Variants in PPP3CC observed in about 807,000 individuals in gnomAD.
PPP3CC encodes serine/threonine-protein phosphatase 2B catalytic subunit gamma isoform.
Under a neutral mutation model 60.3 loss-of-function variants are expected in PPP3CC, and 35 were observed. The ratio of observed to expected loss-of-function variants is 0.58; its 90% CI spans 0.44 to 0.77. The LOEUF is 0.77. PPP3CC is among the 30% of genes least tolerant of loss of function. The pLI is 0.00. For synonymous variants in PPP3CC, 206 were observed against 224.3 expected (o/e 0.92, Z 0.73); for missense variants, 570 against 628.9 (o/e 0.91, Z 1.00).
intron 1 of PPP3CC, among the ~76,000 whole-genome samples, chr8:22,460,507 T>G (rs1005440162): frequency 2.0e-5 from 3 of 151,748 alleles, no homozygotes; most frequent in African/African-American, 7.3e-5. Flanking sequence ...CTTTCGAAAC[T>G]TTAAAAAATA....
At chr8:22,513,984 G>A (rs1413319216) in intron 6 of PPP3CC, among the ~76,000 whole-genome samples, 1 of 152,182 alleles carries the variant, frequency 6.6e-6, no homozygotes, top group Non-Finnish European at 1.5e-5. Flanking sequence ...GGTGGCTCAC[G>A]CCTATAATCC....
At chr8:22,481,997 G>C (rs2443501) in intron 3 of PPP3CC, among the ~76,000 whole-genome samples, 1 of 151,960 alleles carries the variant, frequency 6.6e-6, no homozygotes, top group African/African-American at 2.4e-5. Flanking sequence ...GTAGACATAC[G>C]TGTGCATGTG....
intron 2 of PPP3CC, 129 bp from the exon 3 acceptor site, chr8:22,475,371 A>G (rs1209202700): frequency 1.8e-6 from 2 of 1,118,464 alleles, no homozygotes; most frequent in Non-Finnish European, 1.3e-6. Flanking sequence ...GATTGACTAC[A>G]GTTTTACAGC....
intron 8 of PPP3CC, among the ~76,000 whole-genome samples, chr8:22,523,348 A>G (rs978391101): frequency 7.2e-5 from 11 of 152,122 alleles, no homozygotes; most frequent in African/African-American, 2.4e-4. Context: ...TACTTCTAAG[A>G]CTTTATCCTG....
chr8:22,515,321 G>A (rs1839214139), intron 6 of PPP3CC, among the ~76,000 whole-genome samples: 1 of 152,162 alleles, frequency 6.6e-6, no homozygotes, highest in Non-Finnish European at 1.5e-5. Context: ...TTCAATGGCT[G>A]AATAATATTC....
chr8:22,441,709 C>A (rs991221740), intron 1 of PPP3CC, among the ~76,000 whole-genome samples: 4 of 152,028 alleles, frequency 2.6e-5, no homozygotes, highest in Admixed American at 6.5e-5. Flanking sequence ...GTGGGGACTT[C>A]TTCTCCCACC....
chr8:22,513,461 T>C, intron 6 of PPP3CC, 29 bp downstream of exon 6: 1 of 1,556,162 alleles, frequency 6.4e-7, no homozygotes, highest in Non-Finnish European at 8.7e-7. Context: ...TCGAAAATTA[T>C]GAAAGGAAAC....
chr8:22,533,001 A>C lies in PPP3CC; in HGVS notation c.1304A>C (p.Lys435Thr). The change falls in exon 12 of 14, where the codon AAG (lysine) becomes ACG (threonine). Residue 435 changes from lysine to threonine, a missense_variant. Lys to Thr is a moderately conservative substitution (Grantham distance 78). Transcript: ENST00000240139. ...CCTCTGGGCGTCCTCTCAGGAGGCA[A>C]GCAGACTATCGAGACAGGTGAGTAT... ...TLPLGVLSGG[K>T]QTIETATVEA... 2 of 1,604,632 alleles carry C rather than the reference A, an allele frequency of 1.2e-6. No homozygotes were observed. The highest frequency in any genetic ancestry group is 1.7e-6 in the Non-Finnish European group (2 of 1,174,820).
In PPP3CC at chr8:22,472,363, AACACAC is replaced by A. The variant is rs71546810; in HGVS notation, c.50-2552_50-2547del. On this transcript the variant is annotated intron_variant, in intron 1 of 13. Coordinates refer to ENST00000240139, the MANE Select transcript of PPP3CC (RefSeq NM_005605.5). ...CTTTTAGAATATTTTGGTAAAAATG[AACACAC>A]ACACACACACACACACACACACACA... Among the ~76,000 whole-genome samples, 348 of 125,706 alleles carry A rather than the reference AACACAC, an allele frequency of 2.8e-3. 1 individual carries two copies. The highest frequency in any genetic ancestry group is 0.012 in the Middle Eastern group (3 of 244). The allele number at this position is 125,706 out of a possible 152,430, so 82.5% of individuals were successfully genotyped here. A position where few individuals can be genotyped will look rare whatever the true frequency, so the allele number is the denominator to read the frequency against.
intron 4 of PPP3CC, among the ~76,000 whole-genome samples, chr8:22,510,138 C>T (rs1032412820): frequency 2.0e-5 from 3 of 150,764 alleles, no homozygotes; most frequent in Non-Finnish European, 4.4e-5. Flanking sequence ...AGCTAAGATC[C>T]CGCTACTGCA....
intron 4 of PPP3CC, among the ~76,000 whole-genome samples, chr8:22,505,577 G>C (rs1838891638): frequency 6.6e-6 from 1 of 152,136 alleles, no homozygotes; most frequent in Non-Finnish European, 1.5e-5. Flanking sequence ...CTGTAGGGGA[G>C]GCAAAATTTT....
intron 11 of PPP3CC, 151 bp from the exon 12 acceptor site, chr8:22,532,770 A>C (rs1586872641): frequency 1.9e-6 from 1 of 539,384 alleles, no homozygotes; most frequent in South Asian, 2.8e-5. Flanking sequence ...ATATTTGTGG[A>C]AAACATCCCT....
At chr8:22,496,031 A>C (rs1563740558) in intron 3 of PPP3CC, among the ~76,000 whole-genome samples, 1 of 151,836 alleles carries the variant, frequency 6.6e-6, no homozygotes, top group Non-Finnish European at 1.5e-5. Context: ...TTTTACATTT[A>C]GATTGCTCAT....
chr8:22,503,001 C>T (rs189717612), intron 4 of PPP3CC, among the ~76,000 whole-genome samples: 11 of 152,136 alleles, frequency 7.2e-5, no homozygotes, highest in East Asian at 3.9e-4. Flanking sequence ...CATGCCATCG[C>T]GCATGGCTTA....
chr8:22,486,787 T>TGGCA (rs1182571036), intron 3 of PPP3CC, among the ~76,000 whole-genome samples: 1 of 151,282 alleles, frequency 6.6e-6, no homozygotes, highest in African/African-American at 2.4e-5. Context: ...TGGAGTACAG[T>TGGCA]GGCACCATCT....
intron 8 of PPP3CC, chr8:22,523,557 T>C (rs1192578694): frequency 3.6e-5 from 13 of 362,116 alleles, no homozygotes; most frequent in South Asian, 2.1e-5. Flanking sequence ...TCAAAGTAGT[T>C]ACCTTGGGAG....
At chr8:22,452,230 G>C (rs1305046667) in intron 1 of PPP3CC, among the ~76,000 whole-genome samples, 5 of 151,986 alleles carry the variant, frequency 3.3e-5, no homozygotes, top group Non-Finnish European at 7.4e-5. Flanking sequence ...TGTAGTGACA[G>C]GGTCTTGCTA....
chr8:22,458,056 A>C (rs1279890975), intron 1 of PPP3CC, among the ~76,000 whole-genome samples: 4 of 152,182 alleles, frequency 2.6e-5, no homozygotes, highest in Non-Finnish European at 5.9e-5. Flanking sequence ...GTGCCATTGC[A>C]CTCCAGCCTG....
At chr8:22,507,803 TATCCAAGGTCCC>T (rs1490315042) in intron 4 of PPP3CC, among the ~76,000 whole-genome samples, 1 of 152,204 alleles carries the variant, frequency 6.6e-6, no homozygotes, top group Non-Finnish European at 1.5e-5. Context: ...TTAAAATTTT[TATCCAAGGTCCC>T]ATAGCTAGTA....
Sources: allele counts gnomAD v4.1 joint callset (sites outside exome capture counted in the v4.1 genomes callset), GRCh38; gene constraint gnomAD v4.1.1; transcripts MANE v1.5; gene names NCBI Gene and HGNC (gene_info 2026-07-23, HGNC 2026-07-21).